Variants in ZFAND3 observed in about 807,000 individuals in gnomAD.
ZFAND3 encodes AN1-type zinc finger protein 3.
Under a neutral mutation model 29.6 loss-of-function variants are expected in ZFAND3, and 10 were observed. The ratio of observed to expected loss-of-function variants is 0.34; its 90% CI spans 0.21 to 0.57. The LOEUF is 0.57. ZFAND3 is among the 20% of genes least tolerant of loss of function. ZFAND3 has a pLI of 0.86. For synonymous variants in ZFAND3, 128 were observed against 112.6 expected, an observed-to-expected ratio of 1.14 and a Z score of -0.87; for missense variants, 230 against 304.5, an observed-to-expected ratio of 0.76 and a Z score of 1.82.
At chr6:37,956,349 G>T (rs1467352143) in intron 2 of ZFAND3, among the ~76,000 whole-genome samples, 3 of 152,202 alleles carry the variant, frequency 2.0e-5, no homozygotes, top group Non-Finnish European at 4.4e-5. Flanking sequence ...AGGTGCTGCA[G>T]TGGTCTGTGG....
chr6:37,925,577 G>T (rs1309848900), intron 1 of ZFAND3, among the ~76,000 whole-genome samples: 3 of 151,928 alleles, frequency 2.0e-5, no homozygotes, highest in Non-Finnish European at 4.4e-5. Context: ...GGTGGCGGGC[G>T]CCTGTAATCC....
chr6:37,992,586 T>C (rs1292694666), intron 2 of ZFAND3, among the ~76,000 whole-genome samples: 2 of 152,190 alleles, frequency 1.3e-5, no homozygotes, highest in African/African-American at 4.8e-5. Flanking sequence ...TTCTTCAGCT[T>C]ATTCTCCCCA....
At chr6:38,060,034 C>G (rs1325832854) in intron 2 of ZFAND3, among the ~76,000 whole-genome samples, 1 of 152,094 alleles carries the variant, frequency 6.6e-6, no homozygotes, top group African/African-American at 2.4e-5. Context: ...ACAGTTGGCC[C>G]TTGAACAACA....
intron 2 of ZFAND3, among the ~76,000 whole-genome samples, chr6:38,019,067 A>G (rs909312695): frequency 1.3e-5 from 2 of 152,044 alleles, no homozygotes; most frequent in African/African-American, 4.8e-5. Flanking sequence ...GGTTCAAGCA[A>G]TTCTGTCTCA....
At chr6:38,098,049 C>T (rs895514157) in intron 4 of ZFAND3, among the ~76,000 whole-genome samples, 1 of 152,104 alleles carries the variant, frequency 6.6e-6, no homozygotes, top group Non-Finnish European at 1.5e-5. Flanking sequence ...TGTTGTATTG[C>T]TTTTTTCTAG....
intron 1 of ZFAND3, among the ~76,000 whole-genome samples, chr6:37,866,447 G>A (rs1764592130): frequency 6.6e-6 from 1 of 152,022 alleles, no homozygotes; most frequent in South Asian, 2.1e-4. Context: ...TGATTAATAA[G>A]AATAGAATTA....
At chr6:37,864,343 A>G (rs139731040) in intron 1 of ZFAND3, among the ~76,000 whole-genome samples, 46 of 152,272 alleles carry the variant, frequency 3.0e-4, no homozygotes, top group East Asian at 1.7e-3. Context: ...TTCAAATTAA[A>G]TAGAGCTTTT....
At chr6:37,954,641 C>T (rs1343409117) in intron 2 of ZFAND3, among the ~76,000 whole-genome samples, 9 of 151,972 alleles carry the variant, frequency 5.9e-5, no homozygotes, top group Admixed American at 5.2e-4. Flanking sequence ...GATTGATTTT[C>T]CCCCTTCATT....
rs565201003 is a variant in ZFAND3, at chr6:38,082,324, C to T, written c.296-68C>T. 3.9e-5 allele frequency: 55 copies of T among 1,394,544 alleles called. No homozygotes were observed. The African/African-American group carries it at 6.2e-4, about 16-fold the overall frequency. 86.4% of individuals were successfully genotyped at this position (1,394,544 alleles called of 1,614,324 possible). A position where few individuals can be genotyped will look rare whatever the true frequency, so the allele number is the denominator to read the frequency against. On this transcript the variant is annotated intron_variant, in intron 3 of 5. Transcript: ENST00000287218. Reference sequence around the variant, plus strand: ...TTCCTTTTTAAAGTTTCTCTTTACTCAGGAAAGCAACTATATGGGCATGTA... The same window carrying T: ...TTCCTTTTTAAAGTTTCTCTTTACTTAGGAAAGCAACTATATGGGCATGTA...
chr6:38,032,486 T>C (rs1378377619), intron 2 of ZFAND3, among the ~76,000 whole-genome samples: 1 of 152,198 alleles, frequency 6.6e-6, no homozygotes, highest in Non-Finnish European at 1.5e-5. Context: ...GTCTTTAGTG[T>C]CAGAGCAGAT....
chr6:38,017,825 A>G (rs192188642), intron 2 of ZFAND3, among the ~76,000 whole-genome samples: 179 of 152,256 alleles, frequency 1.2e-3, no homozygotes, highest in African/African-American at 4.2e-3. Context: ...TGTTAACTAT[A>G]TTTTCTCAAA....
At chr6:38,127,013 A>T (rs1452449874) in intron 5 of ZFAND3, among the ~76,000 whole-genome samples, 1 of 152,012 alleles carries the variant, frequency 6.6e-6, no homozygotes, top group Admixed American at 6.5e-5. Flanking sequence ...TTAGCTCTCG[A>T]TTCCTTAGGA....
intron 5 of ZFAND3, among the ~76,000 whole-genome samples, chr6:38,144,192 TATA>T (rs1202681024): frequency 1.2e-4 from 5 of 40,804 alleles, no homozygotes; most frequent in African/African-American, 2.8e-4. Flanking sequence ...ATAATATATA[TATA>T]TATATATATA....
chr6:37,947,336 A>G (rs1761921384), intron 2 of ZFAND3, among the ~76,000 whole-genome samples: 1 of 151,760 alleles, frequency 6.6e-6, no homozygotes, highest in Non-Finnish European at 1.5e-5. Context: ...TGTGTAGATG[A>G]TGCCATAACA....
At chr6:38,048,596 T>TGG (rs1434723758) in intron 2 of ZFAND3, among the ~76,000 whole-genome samples, 1 of 63,388 alleles carries the variant, frequency 1.6e-5, no homozygotes, top group Non-Finnish European at 2.9e-5. Flanking sequence ...CACTCCAGCC[T>TGG]GGGTGACAGA....
intron 1 of ZFAND3, among the ~76,000 whole-genome samples, chr6:37,836,400 G>C (rs1763969127): frequency 6.6e-6 from 1 of 152,140 alleles, no homozygotes; most frequent in African/African-American, 2.4e-5. Context: ...AAAGGAGTTG[G>C]ATACACTGAG....
chr6:38,026,525 G>A (rs1394327287), intron 2 of ZFAND3, among the ~76,000 whole-genome samples: 1 of 145,832 alleles, frequency 6.9e-6, no homozygotes, highest in Non-Finnish European at 1.5e-5. Flanking sequence ...CTGCCTCCAG[G>A]TTCAAGTGAT....
chr6:37,944,395 C>T (rs1761864795), intron 2 of ZFAND3, among the ~76,000 whole-genome samples: 1 of 152,118 alleles, frequency 6.6e-6, no homozygotes, highest in Non-Finnish European at 1.5e-5. Context: ...GGAAATGGAT[C>T]TTTTTTATAG....
intron 2 of ZFAND3, among the ~76,000 whole-genome samples, chr6:37,968,695 C>A (rs900415196): frequency 2.0e-5 from 3 of 152,144 alleles, no homozygotes; most frequent in African/African-American, 7.2e-5. Flanking sequence ...AACCCTTCCC[C>A]CTTCCCCCTT....
Sources: allele counts gnomAD v4.1 joint callset (sites outside exome capture counted in the v4.1 genomes callset), GRCh38; gene constraint gnomAD v4.1.1; transcripts MANE v1.5; gene names NCBI Gene and HGNC (gene_info 2026-07-23, HGNC 2026-07-21).